Variants in P2RY12 observed in about 807,000 individuals in gnomAD.
P2RY12 encodes P2Y purinoceptor 12.
P2RY12 carries 3 observed loss-of-function variants against 4.5 expected under a neutral mutation model. The observed-to-expected ratio is 0.67, with a 90% CI of 0.31 to 1.74. The LOEUF is 1.74. P2RY12 is among the 40% of genes most tolerant of loss of function. The pLI, the probability that P2RY12 is intolerant of heterozygous loss-of-function variation, is 0.09. For synonymous variants in P2RY12, 148 were observed against 154.1 expected, an observed-to-expected ratio of 0.96 and a Z score of 0.29; for missense variants, 356 against 407.8, an observed-to-expected ratio of 0.87 and a Z score of 1.09.
chr3:151,343,333 C>G (rs1752111212), intron 1 of P2RY12, among the ~76,000 whole-genome samples: 2 of 152,178 alleles, frequency 1.3e-5, no homozygotes, highest in African/African-American at 4.8e-5. Flanking sequence ...ATTTATATTT[C>G]TAAACCTCTA....
At chr3:151,346,926 T>A (rs548103046) in intron 1 of P2RY12, among the ~76,000 whole-genome samples, 4 of 152,322 alleles carry the variant, frequency 2.6e-5, no homozygotes, top group African/African-American at 9.6e-5. Flanking sequence ...ATTAATTTTT[T>A]ATACATTGTA....
intron 1 of P2RY12, among the ~76,000 whole-genome samples, chr3:151,351,678 G>C (rs886558823): frequency 6.6e-6 from 1 of 152,234 alleles, no homozygotes; most frequent in Non-Finnish European, 1.5e-5. Flanking sequence ...TTGGCAATGG[G>C]GTAGGGGGGA....
At chr3:151,342,920 G>A (rs915505086) in intron 1 of P2RY12, among the ~76,000 whole-genome samples, 3 of 152,120 alleles carry the variant, frequency 2.0e-5, no homozygotes, top group African/African-American at 7.2e-5. Context: ...TCTGAAGTAC[G>A]CGTATCATCC....
At chr3:151,357,190 T>A in intron 1 of P2RY12, 1 of 1,557,018 alleles carries the variant, frequency 6.4e-7, no homozygotes, top group Non-Finnish European at 8.7e-7. Flanking sequence ...TACATGTTTA[T>A]TCAGTCTTTT....
chr3:151,364,120 T>C (rs1754986169), intron 1 of P2RY12, among the ~76,000 whole-genome samples: 2 of 152,184 alleles, frequency 1.3e-5, no homozygotes, highest in Non-Finnish European at 2.9e-5. Context: ...GAGTGAATGT[T>C]GTTTATGGAT....
At chr3:151,383,422 C>T (rs1217484261) in intron 1 of P2RY12, among the ~76,000 whole-genome samples, 1 of 152,172 alleles carries the variant, frequency 6.6e-6, no homozygotes, top group Non-Finnish European at 1.5e-5. Flanking sequence ...CACAAAGATG[C>T]AGATAATTGG....
intron 1 of P2RY12, among the ~76,000 whole-genome samples, chr3:151,344,612 A>G (rs545253208): frequency 6.6e-6 from 1 of 152,322 alleles, no homozygotes; most frequent in South Asian, 2.1e-4. Context: ...TTCCGGATAT[A>G]TACTGGATTT....
intron 1 of P2RY12, among the ~76,000 whole-genome samples, chr3:151,341,860 G>T (rs954658070): frequency 6.6e-6 from 1 of 151,974 alleles, no homozygotes; most frequent in African/African-American, 2.4e-5. Flanking sequence ...AGTTTACTGA[G>T]AATGATGATT....
chr3:151,376,395 G>A (rs1002662232), intron 1 of P2RY12, among the ~76,000 whole-genome samples: 3 of 152,082 alleles, frequency 2.0e-5, no homozygotes, highest in African/African-American at 7.2e-5. Context: ...GCTGCAAATT[G>A]TATATGATCA....
At chr3:151,342,088 T>C (rs562602677) in intron 1 of P2RY12, among the ~76,000 whole-genome samples, 12 of 152,338 alleles carry the variant, frequency 7.9e-5, no homozygotes, top group Admixed American at 2.6e-4. Flanking sequence ...TTTGGGTATA[T>C]ACCCAGTAAT....
chr3:151,360,708 A>T (rs530879247), intron 1 of P2RY12: 1 of 1,076,142 alleles, frequency 9.3e-7, no homozygotes, highest in Non-Finnish European at 1.4e-6. Flanking sequence ...GCTAATTGCA[A>T]TTGTATCTAT....
intron 1 of P2RY12, chr3:151,375,899 G>A (rs1234287199): frequency 9.4e-6 from 5 of 534,096 alleles, no homozygotes; most frequent in Non-Finnish European, 1.4e-5. Context: ...ACTTTTTAAT[G>A]TAATTTTTTA....
In P2RY12 at chr3:151,338,686, G is replaced by A. The variant is rs192284069; in HGVS notation, c.160C>T (p.Arg54Trp). 9.4e-5 allele frequency: 152 copies of A among 1,613,520 alleles called. 1 individual carries two copies. In the South Asian group the frequency reaches 1.1e-3, roughly 12 times the overall value. Residue 54 changes from arginine to tryptophan, a missense_variant, in exon 3 of 3, where the codon CGG becomes TGG. By Grantham distance (101) the Arg-to-Trp change is moderately radical. Transcript: ENST00000302632. ...GLAMRIFFQI[R>W]SKSNFIIFLK... ...AAAATAATAAAGTTTGATTTACTCC[G>A]GATTTGAAAGAAAATCCTCATCGCC...
In P2RY12 at chr3:151,378,945, G is replaced by T. The variant is rs932187468; in HGVS notation, c.-180+5747C>A. On this transcript the variant is annotated intron_variant, in intron 1 of 2. Transcript: ENST00000302632. ...AATTCTTATAGCAATCATGTGGTAGGTACTCTCATTATCTTCTTTATATCA... is the reference window on the plus strand; with the variant it reads ...AATTCTTATAGCAATCATGTGGTAGTTACTCTCATTATCTTCTTTATATCA... Among the ~76,000 whole-genome samples the T allele has an allele frequency of 4.6e-5, 7 of 152,222 alleles. No homozygotes were observed. The South Asian group carries it at 1.5e-3, about 32-fold the overall frequency.
Position 151,372,837 on chromosome 3 carries a change from T to C in P2RY12, c.-180+11855A>G, listed in dbSNP as rs940359767. The stretch of plus-strand genomic sequence containing the variant: ...TTTTGGAGAGAGCTACTTACACTTA[T>C]AGGAAACTTGTGCATAGGTGGGCCT... On this transcript the variant is annotated intron_variant, in intron 1 of 2. Transcript: ENST00000302632. 1.9e-5 allele frequency: 24 copies of C among 1,269,124 alleles called. No homozygotes were observed. The Admixed American group carries it at 2.3e-4, about 12-fold the overall frequency. 78.6% of individuals were successfully genotyped at this position (1,269,124 alleles called of 1,614,324 possible). A position where few individuals can be genotyped will look rare whatever the true frequency, so the allele number is the denominator to read the frequency against.
intron 2 of P2RY12, among the ~76,000 whole-genome samples, chr3:151,339,920 CAG>C (rs1751591747): frequency 6.6e-6 from 1 of 151,936 alleles, no homozygotes; most frequent in Non-Finnish European, 1.5e-5. Flanking sequence ...TCTTAATAAT[CAG>C]AGATATATTG....
chr3:151,355,302 C>A (rs1753772159), intron 1 of P2RY12: 1 of 1,105,566 alleles, frequency 9.0e-7, no homozygotes, highest in Non-Finnish European at 1.3e-6. Context: ...AAATTTTTTT[C>A]ATGCAGTATA....
chr3:151,356,894 CT>C (rs1264314834), intron 1 of P2RY12, among the ~76,000 whole-genome samples: 5 of 151,862 alleles, frequency 3.3e-5, no homozygotes, highest in African/African-American at 1.2e-4. Flanking sequence ...AGCCAAATAA[CT>C]TTCATTTTAT....
chr3:151,364,716 G>T (rs1259668188), intron 1 of P2RY12, among the ~76,000 whole-genome samples: 7 of 152,056 alleles, frequency 4.6e-5, no homozygotes. Flanking sequence ...CCATATTTAG[G>T]AAATAATTAA....
Sources: gnomAD v4.1 joint callset for allele counts (sites outside exome capture counted in the v4.1 genomes callset) on GRCh38, gnomAD v4.1.1 for gene constraint, MANE v1.5 for transcripts, NCBI Gene and HGNC (gene_info 2026-07-23, HGNC 2026-07-21) for gene names.